The following SLC25A21 variants were observed in gnomAD, a reference collection of about 807,000 sequenced individuals.
The protein encoded by SLC25A21 is mitochondrial 2-oxodicarboxylate carrier.
A neutral mutation model predicts 43.8 loss-of-function variants in SLC25A21; 47 were observed. The observed-to-expected ratio is 1.07, with a 90% CI of 0.85 to 1.37. The LOEUF (loss-of-function observed/expected upper bound fraction) is 1.37, where lower values mean the gene tolerates loss of function less well. SLC25A21 is among the 40% of genes most tolerant of loss of function. SLC25A21 has a pLI of 0.00. For synonymous variants in SLC25A21, 131 were observed against 121.3 expected (o/e 1.08, Z -0.52); for missense variants, 352 against 350.2 (o/e 1.00, Z -0.04).
chr14:36,842,177 G>C (rs1467395525), intron 2 of SLC25A21, among the ~76,000 whole-genome samples: 1 of 152,178 alleles, frequency 6.6e-6, no homozygotes, highest in African/African-American at 2.4e-5. Flanking sequence ...TAAACTAACA[G>C]ACGCTAGCAC....
At chr14:36,863,245 A>C (rs755674955) in intron 2 of SLC25A21, among the ~76,000 whole-genome samples, 4 of 152,198 alleles carry the variant, frequency 2.6e-5, no homozygotes, top group Non-Finnish European at 5.9e-5. Context: ...GCACAGGAGA[A>C]GGCTTTGCAG....
intron 2 of SLC25A21, among the ~76,000 whole-genome samples, chr14:36,832,057 A>C (rs190212923): frequency 6.6e-6 from 1 of 152,264 alleles, no homozygotes; most frequent in Non-Finnish European, 1.5e-5. Flanking sequence ...AATCTTCCAA[A>C]CATAAGGGAC....
intron 1 of SLC25A21, among the ~76,000 whole-genome samples, chr14:36,877,208 C>G (rs1318037614): frequency 6.6e-6 from 1 of 152,094 alleles, no homozygotes; most frequent in African/African-American, 2.4e-5. Context: ...GCAAAAAACA[C>G]ACACCAAATA....
intron 1 of SLC25A21, among the ~76,000 whole-genome samples, chr14:36,887,797 T>G (rs889117547): frequency 3.9e-5 from 6 of 152,168 alleles, no homozygotes; most frequent in Non-Finnish European, 8.8e-5. Flanking sequence ...TATTTTTCTC[T>G]TCTCAGAATT....
chr14:36,823,387 C>T (rs1888704768), intron 2 of SLC25A21, among the ~76,000 whole-genome samples: 1 of 152,098 alleles, frequency 6.6e-6, no homozygotes, highest in South Asian at 2.1e-4. Flanking sequence ...TAAAATTATG[C>T]TTAATATCAG....
At chr14:36,963,036 C>G (rs1428454021) in intron 1 of SLC25A21, among the ~76,000 whole-genome samples, 1 of 152,062 alleles carries the variant, frequency 6.6e-6, no homozygotes, top group Non-Finnish European at 1.5e-5. Flanking sequence ...ATTGTGAGGC[C>G]TAAGTTGGCA....
chr14:37,171,112 G>GGAGGA (rs1964118841), intron 1 of SLC25A21, among the ~76,000 whole-genome samples: 1 of 93,474 alleles, frequency 1.1e-5, no homozygotes, highest in Non-Finnish European at 2.3e-5. Context: ...AAAGAAAAAG[G>GGAGGA]GGGGAGGGGA....
intron 1 of SLC25A21, among the ~76,000 whole-genome samples, chr14:37,110,289 C>A (rs1962995125): frequency 6.6e-6 from 1 of 152,138 alleles, no homozygotes; most frequent in Non-Finnish European, 1.5e-5. Flanking sequence ...TGAGCACTTG[C>A]TTCATTATTA....
chr14:37,015,158 AT>A (rs1363498562), intron 1 of SLC25A21, among the ~76,000 whole-genome samples: 1 of 151,262 alleles, frequency 6.6e-6, no homozygotes, highest in Non-Finnish European at 1.5e-5. Context: ...GTCACTTAGC[AT>A]TAGGTATATC....
chr14:36,932,670 G>A (rs756591505), intron 1 of SLC25A21, among the ~76,000 whole-genome samples: 27 of 151,666 alleles, frequency 1.8e-4, no homozygotes, highest in Non-Finnish European at 3.4e-4. Context: ...TCCTGCTCTA[G>A]GAACCATGCC....
At chr14:37,142,691 A>G (rs1354584644) in intron 1 of SLC25A21, among the ~76,000 whole-genome samples, 1 of 152,202 alleles carries the variant, frequency 6.6e-6, no homozygotes, top group Non-Finnish European at 1.5e-5. Context: ...GTTCATGAAT[A>G]GAAGTGACAG....
chr14:37,164,065 T>C (rs1193724076), intron 1 of SLC25A21, among the ~76,000 whole-genome samples: 1 of 152,156 alleles, frequency 6.6e-6, no homozygotes, highest in Non-Finnish European at 1.5e-5. Context: ...GTTTTTAAAA[T>C]ATTGTATAAA....
intron 2 of SLC25A21, chr14:36,870,505 A>T (rs1020585351): frequency 6.6e-6 from 1 of 152,138 alleles, no homozygotes; most frequent in Non-Finnish European, 1.5e-5. Flanking sequence ...TCTTTACAGC[A>T]TGTCTCTTTC....
intron 1 of SLC25A21, among the ~76,000 whole-genome samples, chr14:37,116,253 A>G (rs1963104026): frequency 6.6e-6 from 1 of 152,224 alleles, no homozygotes; most frequent in African/African-American, 2.4e-5. Context: ...TGAGCTTGGT[A>G]CCACATATAC....
intron 1 of SLC25A21, among the ~76,000 whole-genome samples, chr14:36,888,233 G>A (rs951361714): frequency 3.3e-5 from 5 of 152,114 alleles, no homozygotes; most frequent in African/African-American, 9.7e-5. Flanking sequence ...AAAATCTCCA[G>A]TAGTTCTTTA....
intron 1 of SLC25A21, among the ~76,000 whole-genome samples, chr14:36,938,262 TAAC>T (rs1892474672): frequency 6.6e-6 from 1 of 152,158 alleles, no homozygotes; most frequent in Non-Finnish European, 1.5e-5. Context: ...TCACGTATGG[TAAC>T]AAATCAACTC....
intron 1 of SLC25A21, among the ~76,000 whole-genome samples, chr14:36,998,958 G>A (rs1960430274): frequency 6.6e-6 from 1 of 152,160 alleles, no homozygotes; most frequent in Non-Finnish European, 1.5e-5. Flanking sequence ...TTCACTGTGT[G>A]AATGCAAAAT....
chr14:37,037,514 T>C (rs796232291), intron 1 of SLC25A21, among the ~76,000 whole-genome samples: 3 of 152,314 alleles, frequency 2.0e-5, no homozygotes, highest in African/African-American at 7.2e-5. Flanking sequence ...TCAATTGAGT[T>C]TGGAATTCCT....
At position 36,678,921 on chromosome 14, in the gene SLC25A21, A is replaced by G; in HGVS notation, c.*1737T>C. The G allele has an allele frequency of 1.0e-6, 1 of 979,926 alleles. No individual in the cohort carries two copies. The highest frequency in any genetic ancestry group is 1.2e-6 in the Non-Finnish European group (1 of 824,518). The allele number at this position is 979,926 out of a possible 1,614,324, so 60.7% of individuals were successfully genotyped here. ...GCCACTTTTTAAAATACGAGAAGGA[A>G]AATAGGATGGATTAAAGGGTTAACT... On this transcript the variant is annotated 3_prime_UTR_variant, in exon 10 of 10. Coordinates refer to ENST00000331299, the MANE Select transcript of SLC25A21 (RefSeq NM_030631.4).
Sources: gnomAD v4.1 joint callset for allele counts (sites outside exome capture counted in the v4.1 genomes callset) on GRCh38, gnomAD v4.1.1 for gene constraint, MANE v1.5 for transcripts, NCBI Gene and HGNC (gene_info 2026-07-23, HGNC 2026-07-21) for gene names.